Variants in DMKN observed in about 807,000 individuals in gnomAD.
The protein encoded by DMKN is epidermis-specific secreted protein SK30/SK89.
In DMKN, 58 loss-of-function variants were observed where a neutral mutation model predicts 67.6. The observed-to-expected ratio is 0.86, with a 90% CI of 0.69 to 1.07. The LOEUF (loss-of-function observed/expected upper bound fraction) is 1.07. Ranked by LOEUF, DMKN falls within the 50% of genes least tolerant of loss-of-function variation. The pLI is 0.00. For synonymous variants in DMKN, 240 were observed against 232.3 expected (o/e 1.03, Z -0.30); for missense variants, 596 against 601.5 (o/e 0.99, Z 0.10).
At chr19:35,504,386 G>A (rs2069020529) in intron 9 of DMKN, among the ~76,000 whole-genome samples, 1 of 152,044 alleles carries the variant, frequency 6.6e-6, no homozygotes, top group Admixed American at 6.6e-5. Context: ...AGACCAGCCT[G>A]GCCAACATAG....
intron 7 of DMKN, 46 bp downstream of exon 7, chr19:35,509,865 G>A (rs778789730): frequency 1.2e-6 from 2 of 1,609,908 alleles, no homozygotes; most frequent in African/African-American, 2.7e-5. Flanking sequence ...ACAGTCCTGG[G>A]CAGGAACTGC....
chr19:35,500,372 T>C (rs2068148925), intron 12 of DMKN, 161 bp downstream of exon 12: 6 of 1,551,674 alleles, frequency 3.9e-6, no homozygotes, highest in Non-Finnish European at 5.2e-6. Flanking sequence ...ATGGTAGATG[T>C]CTCACCTTGG....
chr19:35,498,566 T>C, intron 15 of DMKN, 150 bp downstream of exon 15: 1 of 1,082,982 alleles, frequency 9.2e-7, no homozygotes, highest in Non-Finnish European at 1.3e-6. Flanking sequence ...CCCTCTTCCT[T>C]ATCACCTTTA....
intron 7 of DMKN, chr19:35,506,440 C>A: frequency 1.5e-6 from 1 of 650,898 alleles, no homozygotes. Flanking sequence ...CCATCCTGGT[C>A]TGTCCCCAAA....
At position 35,499,288 on chromosome 19, in the gene DMKN, G is replaced by C. The variant is rs574843862; in HGVS notation, c.1360-391C>G. 11 of 271,942 alleles carry C rather than the reference G, an allele frequency of 4.0e-5. No homozygotes were observed. In the South Asian group the frequency reaches 5.4e-4, roughly 13 times the overall value. 16.8% of individuals were successfully genotyped at this position (271,942 alleles called of 1,614,324 possible). ...ATGTCCCTCCTCTCACCAGCCTGTA[G>C]TTTCTCGTCCCTCAGTGGAAGGTCC... On this transcript the variant is annotated intron_variant, in intron 13 of 15. Transcript: ENST00000339686.
intron 11 of DMKN, chr19:35,501,662 C>T (rs2068387964): frequency 3.0e-6 from 2 of 677,266 alleles, no homozygotes; most frequent in Admixed American, 3.2e-5. Context: ...CCTCCCTGAC[C>T]CAGGTCTTCA....
rs758253239 is a variant in DMKN at position 35,498,892 on chromosome 19, TC to T, written c.1364del (p.Gly455GlufsTer19). 3.7e-6 allele frequency: 6 copies of T among 1,613,928 alleles called. No individual in the cohort carries two copies. The Admixed American group carries it at 6.7e-5, about 18-fold the overall frequency. On this transcript the variant is annotated frameshift_variant, in exon 14 of 16. Coordinates refer to ENST00000339686, the MANE Select transcript of DMKN (RefSeq NM_033317.5). LOFTEE classifies it high-confidence loss of function. ...KYSVKTPAKG[G>X]VSPSSSASRV... The stretch of plus-strand genomic sequence containing the variant: ...TACTCACCGAGGAAGAAGGTGAGAC[TC>T]CCCCCTGCAAAAAGATCAAAGGAAA...
intron 12 of DMKN, 168 bp from the exon 13 acceptor site, chr19:35,500,197 G>A: frequency 2.6e-6 from 3 of 1,159,858 alleles, no homozygotes. Flanking sequence ...GCCAGCCAGG[G>A]CCCCCACCCT....
chr19:35,506,685 A>T, intron 7 of DMKN: 1 of 384,830 alleles, frequency 2.6e-6, no homozygotes, highest in Non-Finnish European at 5.3e-6. Flanking sequence ...TACAGATGAC[A>T]TGATAGAGCT....
chr19:35,500,210 C>T, intron 12 of DMKN, 181 bp from the exon 13 acceptor site: 2 of 1,191,964 alleles, frequency 1.7e-6, no homozygotes, highest in Non-Finnish European at 2.4e-6. Context: ...CCCACCCTCA[C>T]CTGCCTTTAC....
At chr19:35,498,555 C>T (rs1227873932) in intron 15 of DMKN, 161 bp downstream of exon 15, 2 of 956,696 alleles carry the variant, frequency 2.1e-6, no homozygotes, top group East Asian at 2.6e-5. Context: ...ACCATGAGGT[C>T]CCCTCTTCCT....
chr19:35,500,279 C>A, intron 12 of DMKN: 1 of 1,475,974 alleles, frequency 6.8e-7, no homozygotes. Context: ...CCCTCAAGAC[C>A]TCTGCCAACT....
chr19:35,511,265 G>A, intron 5 of DMKN, 146 bp downstream of exon 5: 1 of 1,429,072 alleles, frequency 7.0e-7, no homozygotes, highest in Non-Finnish European at 9.5e-7. Context: ...GGAACAGGAG[G>A]CTGAGGGAGC....
At chr19:35,504,473 C>T (rs1003528718) in intron 9 of DMKN, among the ~76,000 whole-genome samples, 2 of 150,740 alleles carry the variant, frequency 1.3e-5, no homozygotes, top group Admixed American at 1.3e-4. Flanking sequence ...GCTACTGGAG[C>T]GGCTGAGGCA....
chr19:35,513,029 T>G (rs778341015), intron 1 of DMKN, 21 bp downstream of exon 1: 1 of 1,610,304 alleles, frequency 6.2e-7, no homozygotes. Flanking sequence ...CATTTCCACA[T>G]GCAGCCCCAC....
Position 35,505,731 on chromosome 19 carries a change from T to G in DMKN, c.1121A>C (p.Asp374Ala). 6.2e-7 allele frequency: 1 copy of G among 1,614,172 alleles called. No individual in the cohort carries two copies. Among genetic ancestry groups the G allele is most frequent in the Non-Finnish European group, 8.5e-7 (1 of 1,180,046 alleles). ...TCCAGCCCTTACCTTGTTTATGGCA[T>G]CCCAGTTGATGAAACCCAGCTTGGA... ...FKSKLGFINW[D>A]AINKNQVPPP... Residue 374 changes from aspartate (D) to alanine (A), a missense_variant, in exon 9 of 16, where the codon GAT (aspartate) becomes GCT (alanine). Transcript: ENST00000339686.
At chr19:35,502,427 C>T (rs566007295) in intron 10 of DMKN, among the ~76,000 whole-genome samples, 4 of 151,976 alleles carry the variant, frequency 2.6e-5, no homozygotes, top group South Asian at 2.1e-4. Flanking sequence ...TGGCTGGGCG[C>T]GGTGGCTCAC....
chr19:35,512,281 A>C, intron 3 of DMKN, 140 bp downstream of exon 3: 1 of 1,180,370 alleles, frequency 8.5e-7, no homozygotes, highest in South Asian at 1.6e-5. Context: ...TACAGGTGTG[A>C]GCCACCTCGC....
At chr19:35,503,291 C>A in intron 9 of DMKN, 1 of 1,508,166 alleles carries the variant, frequency 6.6e-7, no homozygotes, top group South Asian at 1.3e-5. Flanking sequence ...AAGAAAGGAG[C>A]AGAGGCCAGG....
Sources: allele counts gnomAD v4.1 joint callset (sites outside exome capture counted in the v4.1 genomes callset), GRCh38; gene constraint gnomAD v4.1.1; transcripts MANE v1.5; gene names NCBI Gene and HGNC (gene_info 2026-07-23, HGNC 2026-07-21).